The following CACNA2D3 variants were observed in gnomAD, a reference collection of about 807,000 sequenced individuals.
CACNA2D3 encodes the protein calcium voltage-gated channel auxiliary subunit alpha2delta 3.
A neutral mutation model predicts 160.6 loss-of-function variants in CACNA2D3; 60 were observed. The observed-to-expected ratio is 0.37, with a 90% CI of 0.30 to 0.46. The LOEUF (loss-of-function observed/expected upper bound fraction) is 0.46. CACNA2D3 is among the 20% of genes least tolerant of loss of function. The pLI, the probability that CACNA2D3 is intolerant of heterozygous loss-of-function variation, is 1.00. For missense variants in CACNA2D3, 1,205 were observed against 1,365.0 expected (o/e 0.88, Z 1.85); for synonymous variants, 558 against 492.9 (o/e 1.13, Z -1.75).
chr3:55,073,434 T>C lies in CACNA2D3; in HGVS notation c.2988-11T>C. 6.2e-7 allele frequency: 1 copy of C among 1,607,154 alleles called. No homozygotes were observed. The highest frequency in any genetic ancestry group is 1.3e-5 in the African/African-American group (1 of 74,898). On this transcript the variant is annotated splice_polypyrimidine_tract_variant and intron_variant, in intron 35 of 37. Coordinates refer to ENST00000474759, the MANE Select transcript of CACNA2D3 (RefSeq NM_018398.3). Reference sequence around the variant, plus strand: ...GGTAAATGACTGCCTCGCTACCTCTTGTTCCAACAGGTCCTTTGTCATCCA... The same window carrying C: ...GGTAAATGACTGCCTCGCTACCTCTCGTTCCAACAGGTCCTTTGTCATCCA...
chr3:54,200,323 A>G (rs1212433911), intron 2 of CACNA2D3, among the ~76,000 whole-genome samples: 1 of 152,196 alleles, frequency 6.6e-6, no homozygotes, highest in African/African-American at 2.4e-5. Context: ...AGTGTTGCAG[A>G]TTGGGTTTAG....
intron 11 of CACNA2D3, among the ~76,000 whole-genome samples, chr3:54,737,174 A>ATG (rs1701550184): frequency 1.8e-5 from 2 of 112,910 alleles, no homozygotes; most frequent in South Asian, 6.7e-4. Context: ...GCTTATATCC[A>ATG]TGTGTATATG....
At chr3:54,623,653 CCT>C (rs779062036) in intron 9 of CACNA2D3, among the ~76,000 whole-genome samples, 137 of 152,254 alleles carry the variant, frequency 9.0e-4, no homozygotes, top group African/African-American at 2.4e-3. Context: ...CATTTTAACC[CCT>C]GTCTCTGGGT....
At chr3:54,807,985 C>A (rs1409510809) in intron 13 of CACNA2D3, among the ~76,000 whole-genome samples, 1 of 139,950 alleles carries the variant, frequency 7.1e-6, no homozygotes, top group African/African-American at 2.7e-5. Context: ...TATTCTCACT[C>A]ATAGGTGGGA....
intron 5 of CACNA2D3, among the ~76,000 whole-genome samples, chr3:54,544,003 T>C (rs1277530678): frequency 6.6e-6 from 1 of 152,208 alleles, no homozygotes; most frequent in African/African-American, 2.4e-5. Flanking sequence ...TACTGTGTAG[T>C]TAGCTGCTTT....
chr3:55,043,960 T>A (rs1029124190), intron 35 of CACNA2D3, among the ~76,000 whole-genome samples: 1 of 152,184 alleles, frequency 6.6e-6, no homozygotes, highest in Non-Finnish European at 1.5e-5. Flanking sequence ...ACATTTTAAT[T>A]TATCTATGTG....
chr3:54,586,468 A>G (rs1265307782), intron 9 of CACNA2D3, among the ~76,000 whole-genome samples: 1 of 152,218 alleles, frequency 6.6e-6, no homozygotes, highest in Non-Finnish European at 1.5e-5. Flanking sequence ...ACTTGCATAG[A>G]AAAACATTAC....
At chr3:54,818,958 G>T (rs904490015) in intron 14 of CACNA2D3, among the ~76,000 whole-genome samples, 2 of 152,148 alleles carry the variant, frequency 1.3e-5, no homozygotes, top group African/African-American at 4.8e-5. Flanking sequence ...AGGGTAAGAG[G>T]AGTTGAGGGA....
At chr3:54,417,798 G>C (rs71617216) in intron 4 of CACNA2D3, among the ~76,000 whole-genome samples, 1 of 139,854 alleles carries the variant, frequency 7.2e-6, no homozygotes, top group East Asian at 2.2e-4. Context: ...GTGTGTGTGG[G>C]GGGGGGGGTG....
intron 2 of CACNA2D3, among the ~76,000 whole-genome samples, chr3:54,205,551 G>A (rs911698910): frequency 6.6e-6 from 1 of 152,190 alleles, no homozygotes; most frequent in African/African-American, 2.4e-5. Context: ...AACTCTGTTG[G>A]GGAGATGGAG....
chr3:54,260,803 T>C (rs1438432440), intron 2 of CACNA2D3, among the ~76,000 whole-genome samples: 1 of 152,132 alleles, frequency 6.6e-6, no homozygotes, highest in African/African-American at 2.4e-5. Flanking sequence ...CTTTCCCCAC[T>C]TCTTTGCACA....
chr3:54,626,530 A>G (rs1699109155), intron 9 of CACNA2D3: 7 of 1,607,624 alleles, frequency 4.4e-6, no homozygotes, highest in Non-Finnish European at 6.0e-6. Context: ...CCAGGTGGAG[A>G]TCAAGCCCGA....
At chr3:54,942,929 C>G (rs1701512177) in intron 27 of CACNA2D3, among the ~76,000 whole-genome samples, 1 of 152,170 alleles carries the variant, frequency 6.6e-6, no homozygotes, top group African/African-American at 2.4e-5. Context: ...GAGGCTGAGG[C>G]AGGAGAATTG....
chr3:54,287,389 A>T (rs950298614), intron 2 of CACNA2D3, among the ~76,000 whole-genome samples: 7 of 151,712 alleles, frequency 4.6e-5, no homozygotes, highest in Admixed American at 4.6e-4. Flanking sequence ...TCCTAAATAT[A>T]TATGCTCCCA....
intron 11 of CACNA2D3, among the ~76,000 whole-genome samples, chr3:54,751,282 A>G (rs1000816263): frequency 6.6e-6 from 1 of 152,198 alleles, no homozygotes; most frequent in Non-Finnish European, 1.5e-5. Context: ...TGGCCTTACC[A>G]AGCACAGATG....
chr3:54,856,362 G>T (rs1382223027), intron 17 of CACNA2D3, among the ~76,000 whole-genome samples: 1 of 152,180 alleles, frequency 6.6e-6, no homozygotes, highest in African/African-American at 2.4e-5. Context: ...AGTCCAGCAT[G>T]CTTGGGAGCA....
intron 9 of CACNA2D3, among the ~76,000 whole-genome samples, chr3:54,600,612 G>T (rs1251868254): frequency 5.3e-5 from 8 of 152,142 alleles, no homozygotes; most frequent in African/African-American, 1.9e-4. Context: ...ACCACTTTGG[G>T]GATCTGCAGA....
chr3:54,266,651 C>G (rs750769576), intron 2 of CACNA2D3, among the ~76,000 whole-genome samples: 30 of 152,170 alleles, frequency 2.0e-4, no homozygotes, highest in Non-Finnish European at 3.8e-4. Context: ...ATTTCAGTAG[C>G]AGCCTAGTCC....
intron 5 of CACNA2D3, among the ~76,000 whole-genome samples, chr3:54,547,532 G>C (rs752342935): frequency 4.6e-5 from 7 of 152,118 alleles, no homozygotes; most frequent in Non-Finnish European, 7.3e-5. Flanking sequence ...CGTGGGTAGA[G>C]AGCTAGAAAT....
Sources: gnomAD v4.1 joint callset for allele counts (sites outside exome capture counted in the v4.1 genomes callset) on GRCh38, gnomAD v4.1.1 for gene constraint, MANE v1.5 for transcripts, NCBI Gene and HGNC (gene_info 2026-07-23, HGNC 2026-07-21) for gene names.